C12orf50: variants seen among roughly 807,000 people sequenced by gnomAD.
C12orf50 encodes the protein uncharacterized protein C12orf50.
In C12orf50, 35 loss-of-function variants were observed where a neutral mutation model predicts 61.6. That is an observed-to-expected ratio of 0.57 (90% CI 0.43 to 0.75). The LOEUF is 0.75. Among genes scored for constraint, C12orf50 ranks in the 30% least tolerant of loss-of-function variants. The pLI is 0.00. For missense variants in C12orf50, 475 were observed against 488.5 expected, an observed-to-expected ratio of 0.97 and a Z score of 0.26; for synonymous variants, 178 against 161.5, an observed-to-expected ratio of 1.10 and a Z score of -0.77.
chr12:87,994,439 CT>C, intron 7 of C12orf50, among the ~76,000 whole-genome samples, 193 bp downstream of exon 7: 1 of 152,164 alleles, frequency 6.6e-6, no homozygotes, highest in African/African-American at 2.4e-5. Flanking sequence ...GTCTTATACA[CT>C]GAACACAAAT....
intron 7 of C12orf50, among the ~76,000 whole-genome samples, chr12:87,991,321 CA>C (rs1320171208): frequency 6.6e-6 from 1 of 151,876 alleles, no homozygotes; most frequent in Non-Finnish European, 1.5e-5. Flanking sequence ...GACAATTGAG[CA>C]AAAACCTGAG....
intron 3 of C12orf50, among the ~76,000 whole-genome samples, chr12:88,019,897 A>AG (rs1023275697): frequency 2.6e-5 from 4 of 152,222 alleles, no homozygotes; most frequent in Non-Finnish European, 5.9e-5. Flanking sequence ...GCATTCTTAG[A>AG]GAAAAAAAAA....
At chr12:88,023,220 T>C (rs759259933) in intron 3 of C12orf50, among the ~76,000 whole-genome samples, 26 of 151,750 alleles carry the variant, frequency 1.7e-4, no homozygotes, top group Non-Finnish European at 2.9e-4. Context: ...TGCAACCATC[T>C]AATCTTTGAC....
chr12:88,017,112 A>T (rs2032339785), intron 3 of C12orf50, among the ~76,000 whole-genome samples: 1 of 152,234 alleles, frequency 6.6e-6, no homozygotes, highest in Non-Finnish European at 1.5e-5. Context: ...GCAAGCAAGC[A>T]TACGGGTGTG....
intron 6 of C12orf50, among the ~76,000 whole-genome samples, chr12:87,995,996 C>A (rs1376787267): frequency 6.6e-6 from 1 of 152,230 alleles, no homozygotes. Context: ...CCACTAGTGT[C>A]ATTCTGTGAT....
Position 87,994,045 on chromosome 12 carries a change from CA to C in C12orf50, c.592+587del, listed in dbSNP as rs759143796. Among the ~76,000 whole-genome samples the C allele has an allele frequency of 3.0e-4, 46 of 151,932 alleles. No homozygotes were observed. The East Asian group carries it at 7.0e-3, about 23-fold the overall frequency. Reference sequence around the variant, plus strand: ...TGAAACCCCGTCTCTACTAAAAATACAAAAATTAGCCGGGTGTGGTGGCACG... The same window carrying C: ...TGAAACCCCGTCTCTACTAAAAATACAAAATTAGCCGGGTGTGGTGGCACG... On this transcript the variant is annotated intron_variant, in intron 7 of 12. Transcript: ENST00000298699.
chr12:88,002,215 T>C (rs2031681492), intron 3 of C12orf50, among the ~76,000 whole-genome samples: 1 of 151,858 alleles, frequency 6.6e-6, no homozygotes, highest in Non-Finnish European at 1.5e-5. Flanking sequence ...CACAAAGTAT[T>C]GGCTGATTAC....
intron 3 of C12orf50, among the ~76,000 whole-genome samples, chr12:87,999,231 CT>C (rs2031550387): frequency 6.6e-6 from 1 of 152,068 alleles, no homozygotes; most frequent in South Asian, 2.1e-4. Flanking sequence ...AAGATCCAGC[CT>C]GGGCAACATG....
At position 87,994,722 on chromosome 12, in the gene C12orf50, G is replaced by C; in HGVS notation, c.503C>G (p.Thr168Arg). 6.2e-7 allele frequency: 1 copy of C among 1,611,620 alleles called. No homozygotes were observed. The highest frequency in any genetic ancestry group is 8.5e-7 in the Non-Finnish European group (1 of 1,178,260). Residue 168 changes from threonine to arginine, a missense_variant, in exon 7 of 13, where the codon ACA (threonine) becomes AGA (arginine). By Grantham distance (71) the Thr-to-Arg change is moderately conservative (BLOSUM62 -1). Coordinates refer to ENST00000298699, the MANE Select transcript of C12orf50 (RefSeq NM_152589.3). ...TTGCCTTTCATATTGGCTAAGTTTT[G>C]TCGGAACTGTAAGACTATCTCCTAG... ...LQEGDSLTVP[T>R]KLSQYERQGE...
intron 7 of C12orf50, among the ~76,000 whole-genome samples, chr12:87,990,028 G>T (rs77825179): frequency 6.6e-6 from 1 of 151,846 alleles, no homozygotes; most frequent in Non-Finnish European, 1.5e-5. Context: ...CTTTACCATC[G>T]CTATTTGGTA....
At chr12:88,015,912 T>C (rs1565758390) in intron 3 of C12orf50, among the ~76,000 whole-genome samples, 2 of 152,174 alleles carry the variant, frequency 1.3e-5, no homozygotes, top group Admixed American at 6.5e-5. Flanking sequence ...AGAGAGTAAC[T>C]GGCAGTTTTA....
Position 87,988,433 on chromosome 12 carries a change from T to C in C12orf50, c.701-467A>G, listed in dbSNP as rs568067134. Among the ~76,000 whole-genome samples the C allele has an allele frequency of 9.8e-5, 15 of 152,292 alleles. No homozygotes were observed. The South Asian group carries it at 2.9e-3, about 29-fold the overall frequency. ...GGCAGCCACTAGCCTCCTGTGACTA[T>C]TGAGCGCATGGAATGTGGCTAGTGC... is the stretch of plus-strand genomic sequence containing the variant. On this transcript the variant is annotated intron_variant, in intron 8 of 12. Transcript: ENST00000298699.
chr12:88,015,306 G>A (rs2032270797), intron 3 of C12orf50, among the ~76,000 whole-genome samples: 1 of 152,174 alleles, frequency 6.6e-6, no homozygotes, highest in Non-Finnish European at 1.5e-5. Context: ...TTATTAGCAA[G>A]TGGCTTTTCA....
intron 8 of C12orf50, among the ~76,000 whole-genome samples, chr12:87,988,203 T>TA (rs1463409879): frequency 1.3e-5 from 2 of 152,122 alleles, no homozygotes; most frequent in Non-Finnish European, 2.9e-5. Context: ...AATATGTAAA[T>TA]AAAAAATCGT....
At chr12:87,996,327 A>T (rs2031388279) in intron 6 of C12orf50, 47 bp downstream of exon 6, 11 of 1,249,012 alleles carry the variant, frequency 8.8e-6, no homozygotes, top group Non-Finnish European at 1.3e-5. Flanking sequence ...CTATCACACC[A>T]AGTATATGTT....
intron 3 of C12orf50, among the ~76,000 whole-genome samples, chr12:88,023,779 A>C (rs1388390466): frequency 6.6e-6 from 1 of 152,168 alleles, no homozygotes; most frequent in East Asian, 1.9e-4. Flanking sequence ...ATACAACAAA[A>C]AAGTTAACAA....
At chr12:88,026,342 C>T in intron 3 of C12orf50, 146 bp downstream of exon 3, 1 of 868,054 alleles carries the variant, frequency 1.2e-6, no homozygotes, top group South Asian at 2.2e-5. Flanking sequence ...TTTCTCTTGT[C>T]TCATGTAGAA....
intron 11 of C12orf50, chr12:87,983,685 C>G (rs1369227465): frequency 6.6e-6 from 1 of 150,690 alleles, no homozygotes; most frequent in Non-Finnish European, 1.5e-5. Context: ...ATGATGATTT[C>G]CAGTTTCATC....
At chr12:88,016,350 T>C (rs2032311027) in intron 3 of C12orf50, among the ~76,000 whole-genome samples, 1 of 152,212 alleles carries the variant, frequency 6.6e-6, no homozygotes, top group African/African-American at 2.4e-5. Context: ...ACAAAGGTAT[T>C]ACTTTATAAT....
Sources: gnomAD v4.1 joint callset for allele counts (sites outside exome capture counted in the v4.1 genomes callset) on GRCh38, gnomAD v4.1.1 for gene constraint, MANE v1.5 for transcripts, NCBI Gene and HGNC (gene_info 2026-07-23, HGNC 2026-07-21) for gene names.